The following SGCD variants were observed in gnomAD, a reference collection of about 807,000 sequenced individuals.
SGCD encodes sarcoglycan delta, also known as delta-sarcoglycan.
A neutral mutation model predicts 36.6 loss-of-function variants in SGCD; 18 were observed. That is an observed-to-expected ratio of 0.49 (90% CI 0.34 to 0.73). The LOEUF (loss-of-function observed/expected upper bound fraction) is 0.73. SGCD is among the 30% of genes least tolerant of loss of function. The probability of loss-of-function intolerance (pLI) is 0.01; values close to 1 mark genes in which losing one functional copy is unlikely to be tolerated. For missense variants in SGCD, 387 were observed against 346.7 expected, an observed-to-expected ratio of 1.12 and a Z score of -0.92; for synonymous variants, 133 against 130.6, an observed-to-expected ratio of 1.02 and a Z score of -0.12.
At chr5:156,551,227 A>G (rs1387010987) in intron 4 of SGCD, among the ~76,000 whole-genome samples, 1 of 152,196 alleles carries the variant, frequency 6.6e-6, no homozygotes, top group Non-Finnish European at 1.5e-5. Context: ...CTCTGCCAAA[A>G]TTACCACAAT....
At chr5:156,162,785 C>A (rs1763114745) in intron 3 of SGCD, among the ~76,000 whole-genome samples, 1 of 151,674 alleles carries the variant, frequency 6.6e-6, no homozygotes. Context: ...TGGCTTAGGG[C>A]ACAGCTAAAA....
At chr5:156,427,129 T>C (rs1773706978) in intron 3 of SGCD, among the ~76,000 whole-genome samples, 1 of 152,206 alleles carries the variant, frequency 6.6e-6, no homozygotes, top group Non-Finnish European at 1.5e-5. Flanking sequence ...TAGATTCCTT[T>C]GGGCAGTAAG....
chr5:156,714,535 T>C (rs1157465036), intron 7 of SGCD, among the ~76,000 whole-genome samples: 1 of 151,932 alleles, frequency 6.6e-6, no homozygotes, highest in Non-Finnish European at 1.5e-5. Context: ...TAAAACAAAG[T>C]TATGTATTGA....
the SGCD span, among the ~76,000 whole-genome samples, chr5:155,761,854 CTTCA>C: frequency 2.0e-5 from 3 of 152,154 alleles, no homozygotes; most frequent in African/African-American, 7.2e-5. Flanking sequence ...CCATCATCAT[CTTCA>C]TTATCATCTC....
At chr5:155,763,797 AC>A in the SGCD span, among the ~76,000 whole-genome samples, 6 of 145,318 alleles carry the variant, frequency 4.1e-5, no homozygotes, top group Admixed American at 1.4e-4. Flanking sequence ...AAAAGCAATG[AC>A]CCCCCACCAA....
chr5:156,299,605 A>G (rs1766997447), intron 3 of SGCD, among the ~76,000 whole-genome samples: 1 of 152,074 alleles, frequency 6.6e-6, no homozygotes, highest in Non-Finnish European at 1.5e-5. Flanking sequence ...ATCTTCCTCA[A>G]TTTATTGCAT....
chr5:156,008,827 C>A (rs996831736), intron 1 of SGCD, among the ~76,000 whole-genome samples: 3 of 152,184 alleles, frequency 2.0e-5, no homozygotes, highest in Admixed American at 2.0e-4. Context: ...CTCAATGTAT[C>A]TTTTGCAGGA....
At chr5:156,622,480 T>TAATAATAA (rs55757946) in intron 6 of SGCD, among the ~76,000 whole-genome samples, 1 of 142,452 alleles carries the variant, frequency 7.0e-6, no homozygotes, top group African/African-American at 2.6e-5. Flanking sequence ...ATAATAATAA[T>TAATAATAA]TTAGGGAAGG....
At chr5:156,458,556 CAT>C in intron 3 of SGCD, 1 of 1,202,220 alleles carries the variant, frequency 8.3e-7, no homozygotes, top group African/African-American at 1.5e-5. Context: ...CCTCAAACCG[CAT>C]ATGTCAAAAT....
the SGCD span, among the ~76,000 whole-genome samples, chr5:155,857,194 G>A: frequency 2.6e-5 from 4 of 152,300 alleles, no homozygotes; most frequent in Non-Finnish European, 5.9e-5. Context: ...CCCAGATGGT[G>A]CCACTGCACT....
chr5:155,751,843 C>T, the SGCD span, among the ~76,000 whole-genome samples: 2 of 152,050 alleles, frequency 1.3e-5, no homozygotes, highest in African/African-American at 4.8e-5. Flanking sequence ...ATTTTGTGGA[C>T]TAGTCTGATC....
chr5:156,003,649 G>A (rs1326849571), intron 1 of SGCD, among the ~76,000 whole-genome samples: 1 of 152,168 alleles, frequency 6.6e-6, no homozygotes, highest in African/African-American at 2.4e-5. Context: ...TTCCAAGTCT[G>A]GAGGATTGAT....
intron 4 of SGCD, among the ~76,000 whole-genome samples, chr5:156,560,438 C>T (rs1759219660): frequency 1.3e-5 from 2 of 152,146 alleles, no homozygotes; most frequent in Non-Finnish European, 2.9e-5. Flanking sequence ...TTACTCCAAG[C>T]AACACCCAGA....
At chr5:156,601,946 G>T (rs1029003348) in intron 6 of SGCD, among the ~76,000 whole-genome samples, 2 of 152,152 alleles carry the variant, frequency 1.3e-5, no homozygotes, top group African/African-American at 4.8e-5. Context: ...CTCCCAAAGT[G>T]CTGGGATTGC....
At chr5:155,932,038 C>T (rs1228828320) in intron 1 of SGCD, among the ~76,000 whole-genome samples, 2 of 152,188 alleles carry the variant, frequency 1.3e-5, no homozygotes. Context: ...GAAGTCTCCA[C>T]CCTCATGATT....
chr5:156,353,090 G>A (rs1438729723), intron 3 of SGCD, among the ~76,000 whole-genome samples: 1 of 152,222 alleles, frequency 6.6e-6, no homozygotes, highest in Non-Finnish European at 1.5e-5. Context: ...CAGCCAGCAT[G>A]TTCCATAACT....
intron 1 of SGCD, among the ~76,000 whole-genome samples, chr5:155,940,854 A>G (rs180670944): frequency 0.034 from 3,835 of 112,904 alleles, 85 homozygotes; most frequent in South Asian, 0.047. Flanking sequence ...CAAAACAAAC[A>G]AACAACAACA....
At chr5:156,321,643 G>T (rs1354968457) in intron 3 of SGCD, among the ~76,000 whole-genome samples, 1 of 152,038 alleles carries the variant, frequency 6.6e-6, no homozygotes. Flanking sequence ...GAGCCAAATA[G>T]GATCAACATG....
intron 3 of SGCD, among the ~76,000 whole-genome samples, chr5:156,233,299 T>G (rs1278494857): frequency 6.6e-6 from 1 of 152,376 alleles, no homozygotes; most frequent in Admixed American, 6.5e-5. Context: ...AACAGAGTGA[T>G]AGATGTTATA....
Sources: gnomAD v4.1 joint callset for allele counts (sites outside exome capture counted in the v4.1 genomes callset) on GRCh38, gnomAD v4.1.1 for gene constraint, MANE v1.5 for transcripts, NCBI Gene and HGNC (gene_info 2026-07-23, HGNC 2026-07-21) for gene names.